Variants in HDGFL2 observed in about 807,000 individuals in gnomAD.
HDGFL2 encodes HDGF like 2.
A neutral mutation model predicts 77.1 loss-of-function variants in HDGFL2; 36 were observed. The ratio of observed to expected loss-of-function variants is 0.47; its 90% CI spans 0.36 to 0.62. The LOEUF (loss-of-function observed/expected upper bound fraction) is 0.62, where lower values mean the gene tolerates loss of function less well. HDGFL2 is among the 20% of genes least tolerant of loss of function. The probability of loss-of-function intolerance (pLI) is 0.00; values close to 1 mark genes in which losing one functional copy is unlikely to be tolerated. For missense variants in HDGFL2, 976 were observed against 973.4 expected (o/e 1.00, Z -0.04); for synonymous variants, 463 against 413.1 (o/e 1.12, Z -1.46).
In HDGFL2 at chr19:4,496,328, G is replaced by T. The variant is rs748941988; in HGVS notation, c.1251G>T (p.Gln417His). Reference protein sequence around the residue: ...REAKKSAKKPQSSSTEPARKP... With the variant: ...REAKKSAKKPHSSSTEPARKP... ...CCAAGAAATCAGCGAAGAAGCCGCA[G>T]TCCTCAAGCACAGAGCCCGCCAGGA... is the stretch of plus-strand genomic sequence containing the variant. The change falls in exon 10 of 16, where the codon CAG becomes CAT. Residue 417 changes from glutamine to histidine, a missense_variant. By Grantham distance (24) the Gln-to-His change is conservative. This residue lies in a region of HDGFL2 where 567 missense variants were observed against 534.7 expected (regional missense o/e 1.06). Coordinates refer to ENST00000616600, the MANE Select transcript of HDGFL2 (RefSeq NM_001001520.3). The T allele has an allele frequency of 2.5e-6, 4 of 1,614,076 alleles. No homozygotes were observed. In the African/African-American group the frequency reaches 5.3e-5, roughly 22 times the overall value.
At chr19:4,483,004 C>A (rs1975259764) in intron 3 of HDGFL2, among the ~76,000 whole-genome samples, 1 of 152,174 alleles carries the variant, frequency 6.6e-6, no homozygotes, top group African/African-American at 2.4e-5. Flanking sequence ...TGTCTCCTTA[C>A]CAGGGATGCT....
At chr19:4,500,532 C>T (rs1461742781) in intron 14 of HDGFL2, among the ~76,000 whole-genome samples, 1 of 146,902 alleles carries the variant, frequency 6.8e-6, no homozygotes, top group African/African-American at 2.5e-5. Context: ...GTGATCTTGG[C>T]TCACTGCAAG....
chr19:4,500,197 G>T (rs1190937400), intron 14 of HDGFL2, among the ~76,000 whole-genome samples: 1 of 152,242 alleles, frequency 6.6e-6, no homozygotes, highest in Admixed American at 6.5e-5. Context: ...CATTACAGGT[G>T]CTCAGAGCAG....
At position 4,490,083 on chromosome 19, in the gene HDGFL2, C is replaced by T. The variant is rs1041857831; in HGVS notation, c.489+1207C>T. The stretch of plus-strand genomic sequence containing the variant: ...CACTGCAGCCCGGGTCAGCTCCATT[C>T]GTTTCATTTATTTATTTATTTTGAG... On this transcript the variant is annotated intron_variant, in intron 4 of 15. Transcript: ENST00000616600. 3.3e-5 allele frequency among the ~76,000 whole-genome samples: 5 copies of T among 152,200 alleles called. No individual in the cohort carries two copies. The South Asian group carries it at 6.2e-4, about 19-fold the overall frequency.
chr19:4,485,721 G>A (rs1266988095), intron 3 of HDGFL2, among the ~76,000 whole-genome samples: 4 of 149,802 alleles, frequency 2.7e-5, no homozygotes, highest in African/African-American at 2.5e-5. Context: ...CAGCCTGGGC[G>A]ACAGAGCGAG....
chr19:4,482,942 A>G (rs1249721002), intron 3 of HDGFL2, among the ~76,000 whole-genome samples: 2 of 152,180 alleles, frequency 1.3e-5, no homozygotes, highest in Admixed American at 1.3e-4. Flanking sequence ...GCGACCAGGA[A>G]GGAGCCCGGG....
chr19:4,495,259 G>A (rs890203751), intron 9 of HDGFL2, among the ~76,000 whole-genome samples: 2 of 151,884 alleles, frequency 1.3e-5, no homozygotes, highest in Admixed American at 1.3e-4. Context: ...GTTGTGGCAG[G>A]TGCCTGTAGT....
chr19:4,496,973 A>C, intron 10 of HDGFL2: 1 of 382,236 alleles, frequency 2.6e-6, no homozygotes, highest in South Asian at 2.0e-5. Context: ...TCCCGGGTTC[A>C]AGCGATTCTC....
At chr19:4,489,336 C>T (rs1013617594) in intron 4 of HDGFL2, among the ~76,000 whole-genome samples, 2 of 151,484 alleles carry the variant, frequency 1.3e-5, no homozygotes, top group African/African-American at 4.9e-5. Flanking sequence ...TCACTGCACC[C>T]TCTGCCACTG....
At chr19:4,474,715 T>G (rs551891202) in intron 1 of HDGFL2, among the ~76,000 whole-genome samples, 1 of 152,152 alleles carries the variant, frequency 6.6e-6, no homozygotes, top group African/African-American at 2.4e-5. Context: ...CAGCCTGCTC[T>G]CCTAGCCCCA....
chr19:4,488,929 G>T lies in HDGFL2; in HGVS notation c.489+53G>T, dbSNP rs10421685. 6.0e-6 allele frequency: 8 copies of T among 1,331,674 alleles called. No individual in the cohort carries two copies. The Admixed American group carries it at 9.2e-5, about 15-fold the overall frequency. 82.5% of individuals were successfully genotyped at this position (1,331,674 alleles called of 1,614,324 possible). On this transcript the variant is annotated intron_variant, in intron 4 of 15. Coordinates refer to ENST00000616600, the MANE Select transcript of HDGFL2 (RefSeq NM_001001520.3). ...CTTCATCCCCTTGCCCTGATGTCTC[G>T]CCTGGCAGCTTGCTCTCCTGCCCTT...
rs572111474 is a variant in HDGFL2 at position 4,477,552 on chromosome 19, C to T, written c.288+1969C>T. Among the ~76,000 whole-genome samples the T allele has an allele frequency of 9.9e-5, 15 of 152,262 alleles. No individual in the cohort carries two copies. The East Asian group carries it at 2.9e-3, about 29-fold the overall frequency. ...AGGAGATCTTTTTCTGGCCCCAGGTCAAGTTCTCTTTGGTTCCGTCCTGAG... is the reference window on the plus strand; with the variant it reads ...AGGAGATCTTTTTCTGGCCCCAGGTTAAGTTCTCTTTGGTTCCGTCCTGAG... On this transcript the variant is annotated intron_variant, in intron 3 of 15. Transcript: ENST00000616600.
intron 12 of HDGFL2, 91 bp downstream of exon 12, chr19:4,498,467 C>T (rs775976776): frequency 8.4e-5 from 88 of 1,051,194 alleles, no homozygotes; most frequent in African/African-American, 4.4e-4. Context: ...GAGGCAAAGC[C>T]GGGGTCCTGC....
intron 12 of HDGFL2, 51 bp from the exon 13 acceptor site, chr19:4,498,763 C>A: frequency 7.5e-7 from 1 of 1,325,270 alleles, no homozygotes; most frequent in South Asian, 1.2e-5. Flanking sequence ...CCTGGGACCC[C>A]TGGGGATCCC....
At chr19:4,478,313 C>T (rs1409891369) in intron 3 of HDGFL2, among the ~76,000 whole-genome samples, 2 of 151,256 alleles carry the variant, frequency 1.3e-5, no homozygotes, top group East Asian at 4.0e-4. Context: ...AGCGATTCTC[C>T]TGCCTCAGCC....
intron 1 of HDGFL2, among the ~76,000 whole-genome samples, chr19:4,472,748 C>T: frequency 6.7e-6 from 1 of 149,316 alleles, no homozygotes; most frequent in African/African-American, 2.5e-5. Context: ...CAGGGAGCCG[C>T]GTTCTTGTGG....
chr19:4,501,998 C>G lies in HDGFL2; in HGVS notation c.2004C>G (p.Asp668Glu), dbSNP rs1038546208. Residue 668 changes from aspartate (D) to glutamate (E), a missense_variant, in exon 16 of 16, where the codon GAC becomes GAG. This residue lies in a region of HDGFL2 where 229 missense variants were observed against 187.3 expected (regional missense o/e 1.22). Transcript: ENST00000616600. ...ERARGDSEAL[D>E]EES ...CACGGGGGGACTCGGAGGCCCTGGA[C>G]GAGGAGAGCTGAGCCGCGGGCAGCC... 8.6e-6 allele frequency: 13 copies of G among 1,517,108 alleles called. No homozygotes were observed. Among genetic ancestry groups the G allele is most frequent in the Non-Finnish European group, 1.1e-5 (13 of 1,139,704 alleles). 94.0% of individuals were successfully genotyped at this position (1,517,108 alleles called of 1,614,324 possible). A position where few individuals can be genotyped will look rare whatever the true frequency, so the allele number is the denominator to read the frequency against.
intron 3 of HDGFL2, among the ~76,000 whole-genome samples, chr19:4,479,174 G>A (rs6510811): frequency 0.99 from 150,014 of 151,776 alleles, 74,150 homozygotes; most frequent in Non-Finnish European, 0.99. Flanking sequence ...AAACTACAAA[G>A]ATTAGCCGGG....
At position 4,488,669 on chromosome 19, in the gene HDGFL2, C is replaced by T; in HGVS notation, c.289-7C>T. ...GTGACGCGCGTTCTCTGCCCCGACT[C>T]CCACAGCCAGTGAGCTCCTCCGACA... On this transcript the variant is annotated splice_polypyrimidine_tract_variant and splice_region_variant and intron_variant, in intron 3 of 15. Transcript: ENST00000616600. 6.5e-7 allele frequency: 1 copy of T among 1,540,734 alleles called. No individual in the cohort carries two copies. The highest frequency in any genetic ancestry group is 1.4e-5 in the African/African-American group (1 of 73,162).
Sources: gnomAD v4.1 joint callset for allele counts (sites outside exome capture counted in the v4.1 genomes callset) on GRCh38, gnomAD v4.1.1 for gene constraint, gnomAD v4.1.1 regional missense constraint, MANE v1.5 for transcripts, NCBI Gene and HGNC (gene_info 2026-07-23, HGNC 2026-07-21) for gene names.